PEX5L: variants seen among roughly 807,000 people sequenced by gnomAD.
PEX5L encodes peroxisomal biogenesis factor 5 like, also known as PEX5-related protein.
A neutral mutation model predicts 84.0 loss-of-function variants in PEX5L; 30 were observed. The observed-to-expected ratio is 0.36, with a 90% CI of 0.27 to 0.48. PEX5L has a LOEUF of 0.48. Among genes scored for constraint, PEX5L ranks in the 20% least tolerant of loss-of-function variants. The pLI is 0.99. For missense variants in PEX5L, 533 were observed against 754.6 expected, an observed-to-expected ratio of 0.71 and a Z score of 3.44; for synonymous variants, 270 against 283.1, an observed-to-expected ratio of 0.95 and a Z score of 0.46.
intron 14 of PEX5L, among the ~76,000 whole-genome samples, chr3:179,805,678 T>G (rs1439509945): frequency 6.6e-6 from 1 of 152,190 alleles, no homozygotes; most frequent in Non-Finnish European, 1.5e-5. Context: ...TAAAAACTTA[T>G]TTGTTGTTTA....
intron 3 of PEX5L, among the ~76,000 whole-genome samples, chr3:179,897,897 CTT>C (rs1360794432): frequency 4.6e-5 from 7 of 151,972 alleles, no homozygotes; most frequent in Non-Finnish European, 8.8e-5. Flanking sequence ...CATATATTCT[CTT>C]TCTCTTTTGT....
At chr3:179,945,179 C>A (rs537175947) in intron 2 of PEX5L, among the ~76,000 whole-genome samples, 8 of 152,180 alleles carry the variant, frequency 5.3e-5, no homozygotes, top group African/African-American at 1.9e-4. Flanking sequence ...TCTCTAGCAA[C>A]CAGAAGAAGC....
intron 1 of PEX5L, among the ~76,000 whole-genome samples, chr3:180,000,038 G>A (rs891722114): frequency 6.6e-6 from 1 of 152,118 alleles, no homozygotes; most frequent in African/African-American, 2.4e-5. Flanking sequence ...AGGAATCAAG[G>A]GATAGAAGTG....
Position 179,878,759 on chromosome 3 carries a change from T to G in PEX5L, c.505+1170A>C, listed in dbSNP as rs534479762. ...TCTCCCACTGGCTGGAGCAATGGCA[T>G]GATGTGGAGGCTCATGTAGTAACTG... On this transcript the variant is annotated intron_variant, in intron 5 of 14. Coordinates refer to ENST00000467460, the MANE Select transcript of PEX5L (RefSeq NM_016559.3). Among the ~76,000 whole-genome samples, 139 of 152,344 alleles carry G rather than the reference T, an allele frequency of 9.1e-4. 1 individual carries two copies. The highest frequency in any genetic ancestry group is 3.3e-3 in the African/African-American group (138 of 41,584).
intron 8 of PEX5L, among the ~76,000 whole-genome samples, chr3:179,852,120 T>C (rs1742136030): frequency 3.3e-5 from 5 of 152,208 alleles, no homozygotes. Flanking sequence ...TTTCTGAGGG[T>C]CAGGAATTAG....
chr3:179,920,566 A>G (rs1768984451), intron 2 of PEX5L, among the ~76,000 whole-genome samples: 1 of 152,212 alleles, frequency 6.6e-6, no homozygotes, highest in South Asian at 2.1e-4. Flanking sequence ...ATCTCCTCGC[A>G]AAAATCTTAC....
At chr3:179,973,138 A>G in intron 1 of PEX5L, 2 of 1,235,986 alleles carry the variant, frequency 1.6e-6, no homozygotes, top group Non-Finnish European at 2.1e-6. Context: ...TGCCTTTCCA[A>G]ATATTGATCT....
intron 8 of PEX5L, among the ~76,000 whole-genome samples, chr3:179,835,635 C>G (rs1016755259): frequency 2.0e-5 from 3 of 152,136 alleles, no homozygotes; most frequent in Non-Finnish European, 2.9e-5. Flanking sequence ...TAAAGTTATG[C>G]TGTCATGACT....
intron 14 of PEX5L, among the ~76,000 whole-genome samples, chr3:179,803,872 G>A (rs916523343): frequency 1.3e-5 from 2 of 152,186 alleles, no homozygotes; most frequent in Non-Finnish European, 2.9e-5. Flanking sequence ...AATGGAGTAG[G>A]TGTTCTAATC....
In PEX5L at chr3:179,815,869, C is replaced by T. The variant is rs1725880487; in HGVS notation, c.1075G>A (p.Asp359Asn). The T allele has an allele frequency of 6.2e-7, 1 of 1,614,040 alleles. No individual in the cohort carries two copies. The highest frequency in any genetic ancestry group is 1.1e-5 in the South Asian group (1 of 91,084). Residue 359 changes from aspartate to asparagine, a missense_variant, in exon 10 of 15, where the codon GAT (aspartate) becomes AAT (asparagine). By Grantham distance (23) the Asp-to-Asn change is conservative. Around this residue, in one of 8 missense-constraint regions of PEX5L, gnomAD observed 32 missense variants for 45.5 expected, o/e 0.70. Transcript: ENST00000467460. ...MEAAILQDPG[D>N]AEAWQFLGIT... ...TGAAGGGAGAATGACACCTCTGCAT[C>T]TCCAGGGTCCTGAAGAATTGCTGCT...
At chr3:180,020,135 A>G (rs990589991) in intron 1 of PEX5L, among the ~76,000 whole-genome samples, 2 of 152,198 alleles carry the variant, frequency 1.3e-5, no homozygotes, top group African/African-American at 2.4e-5. Context: ...TCTCAGTCAA[A>G]TAACGCCATG....
At chr3:179,902,244 C>T (rs73885965) in intron 2 of PEX5L, among the ~76,000 whole-genome samples, 2,406 of 152,290 alleles carry the variant, frequency 0.016, 74 homozygotes, top group African/African-American at 0.056. Flanking sequence ...GGACAGGAAC[C>T]CAGACCTGTT....
chr3:180,004,788 C>T (rs901606238), intron 1 of PEX5L, among the ~76,000 whole-genome samples: 2 of 151,448 alleles, frequency 1.3e-5, no homozygotes. Context: ...TTGAACATCA[C>T]TAATTTAGAC....
rs111747356 is a variant in PEX5L, at chr3:179,899,008, A to G, written c.94-762T>C. 1.8e-4 allele frequency among the ~76,000 whole-genome samples: 27 copies of G among 152,186 alleles called. 1 individual carries two copies. Among genetic ancestry groups the G allele is most frequent in the African/African-American group, 5.5e-4 (23 of 41,558 alleles). On this transcript the variant is annotated intron_variant, in intron 2 of 14. Coordinates refer to ENST00000467460, the MANE Select transcript of PEX5L (RefSeq NM_016559.3). ...TTGTGGCACTAATCTATATCTCTCT[A>G]TATATCTATAGATACAAATGTATAT...
chr3:179,991,500 A>C (rs1468158584), intron 1 of PEX5L, among the ~76,000 whole-genome samples: 1 of 152,156 alleles, frequency 6.6e-6, no homozygotes, highest in African/African-American at 2.4e-5. Context: ...CCAAGGTCTC[A>C]GCATCCTTTT....
intron 6 of PEX5L, 30 bp from the exon 7 acceptor site, chr3:179,874,453 G>A (rs762384135): frequency 1.8e-6 from 2 of 1,087,580 alleles, no homozygotes; most frequent in South Asian, 1.4e-5. Context: ...GAAATTAAAC[G>A]TACACTAGAA....
chr3:179,935,552 A>G (rs183160053), intron 2 of PEX5L, among the ~76,000 whole-genome samples: 67 of 152,300 alleles, frequency 4.4e-4, no homozygotes, highest in African/African-American at 1.4e-3. Context: ...TTTATTTTCT[A>G]CTATGAGCAT....
chr3:179,815,069 T>G (rs1266737976), intron 10 of PEX5L, among the ~76,000 whole-genome samples: 1 of 152,230 alleles, frequency 6.6e-6, no homozygotes, highest in African/African-American at 2.4e-5. Context: ...TTACACTACA[T>G]TGATGTTTTT....
intron 1 of PEX5L, among the ~76,000 whole-genome samples, chr3:180,010,609 T>A (rs1789379651): frequency 6.6e-6 from 1 of 152,036 alleles, no homozygotes; most frequent in Non-Finnish European, 1.5e-5. Context: ...ACTACACAAC[T>A]AATGTTTTCT....
Sources: gnomAD v4.1 joint callset for allele counts (sites outside exome capture counted in the v4.1 genomes callset) on GRCh38, gnomAD v4.1.1 for gene constraint, gnomAD v4.1.1 regional missense constraint, MANE v1.5 for transcripts, NCBI Gene and HGNC (gene_info 2026-07-23, HGNC 2026-07-21) for gene names.